SNAPC5: variants seen among roughly 807,000 people sequenced by gnomAD.
SNAPC5 encodes the protein snRNA-activating protein complex subunit 5.
In SNAPC5, 12 loss-of-function variants were observed where a neutral mutation model predicts 9.1. The observed-to-expected ratio is 1.32, with a 90% CI of 0.85 to 2.15. The LOEUF (loss-of-function observed/expected upper bound fraction) is 2.15. Ranked by LOEUF, SNAPC5 falls within the 30% of genes most tolerant of loss-of-function variation. The pLI is 0.00. For synonymous variants in SNAPC5, 52 were observed against 47.3 expected, an observed-to-expected ratio of 1.10 and a Z score of -0.41; for missense variants, 132 against 114.4, an observed-to-expected ratio of 1.15 and a Z score of -0.70.
rs146521201 is a variant in SNAPC5 at position 66,497,670 on chromosome 15, G to T, written c.62C>A (p.Ala21Asp). The T allele has an allele frequency of 1.3e-4, 215 of 1,613,986 alleles. No individual in the cohort carries two copies. Among genetic ancestry groups the T allele is most frequent in the Middle Eastern group, 5.0e-4 (3 of 5,968 alleles). Residue 21 changes from alanine (A) to aspartate (D), a missense_variant, in exon 1 of 3, where the codon GCC (alanine) becomes GAC (aspartate). By Grantham distance (126) the Ala-to-Asp change is moderately radical (BLOSUM62 -2). Transcript: ENST00000316634. ...GAGGCGGTTCAGCTGGTCGTGCAGG[G>T]CTGCCTTCAACCGCAGCAGCGTCTC... ...EEETLLRLKA[A>D]LHDQLNRLKV...
rs1010111866 is a variant in SNAPC5 at position 66,493,827 on chromosome 15, T to G, written c.*609A>C. 1 of 144 alleles carries G rather than the reference T, an allele frequency of 6.9e-3. No individual in the cohort carries two copies. Among genetic ancestry groups the G allele is most frequent in the African/African-American group, 0.031 (1 of 32 alleles). The allele number at this position is 144 out of a possible 1,614,324, so 0.0% of individuals were successfully genotyped here. On this transcript the variant is annotated 3_prime_UTR_variant, in exon 3 of 3. Coordinates refer to ENST00000316634, the MANE Select transcript of SNAPC5 (RefSeq NM_001329615.2). ...AACCAGCAGGCTCCATGATGGCTAC[T>G]TATAAATTTATTTATAAAACATTTT...
At chr15:66,490,407 A>G (rs746203655), downstream of SNAPC5, 53 of 918,706 alleles carry the variant, frequency 5.8e-5, no homozygotes, top group Non-Finnish European at 9.0e-5. Flanking sequence ...GTGCAGCACA[A>G]GCTCTAGACC....
Position 66,497,650 on chromosome 15 carries a change from G to A in SNAPC5, c.82C>T (p.Arg28Cys). 1 of 1,614,012 alleles carries A rather than the reference G, an allele frequency of 6.2e-7. No individual in the cohort carries two copies. The highest frequency in any genetic ancestry group is 1.1e-5 in the South Asian group (1 of 91,082). Residue 28 changes from arginine (R) to cysteine (C), a missense_variant, in exon 1 of 3, where the codon CGC becomes TGC. Physicochemically the swap from Arg to Cys is radical, Grantham distance 180 (BLOSUM62 -3). Transcript: ENST00000316634. ...LKAALHDQLN[R>C]LKVEELALQS... is the part of the protein sequence containing the mutation. ...GAGGGCCGCGGGGTCACCTTGAGGC[G>A]GTTCAGCTGGTCGTGCAGGGCTGCC...
At chr15:66,489,811 T>G, downstream of SNAPC5, 1 of 1,477,596 alleles carries the variant, frequency 6.8e-7, no homozygotes. Context: ...TATTCATTTG[T>G]TCTTCTCTGT....
downstream of SNAPC5, chr15:66,492,407 T>G (rs1267791182): frequency 1.2e-5 from 2 of 165,368 alleles, no homozygotes; most frequent in East Asian, 1.8e-4. Context: ...ATGATCAGTG[T>G]TGTATATACT....
At chr15:66,493,110 A>G (rs1385843920), downstream of SNAPC5, among the ~76,000 whole-genome samples, 1 of 152,214 alleles carries the variant, frequency 6.6e-6, no homozygotes, top group Admixed American at 6.5e-5. Context: ...AATAACTTCA[A>G]TGAAATGTGG....
chr15:66,497,433 A>T, intron 1 of SNAPC5: 1 of 613,176 alleles, frequency 1.6e-6, no homozygotes, highest in Non-Finnish European at 3.0e-6. Context: ...CGAGGTCACG[A>T]TTCTGAAAGA....
intron 1 of SNAPC5, 61 bp downstream of exon 1, chr15:66,497,581 T>C (rs753619517): frequency 1.5e-5 from 22 of 1,451,306 alleles, no homozygotes; most frequent in Middle Eastern, 1.7e-4. Flanking sequence ...GAGGCCCAGG[T>C]TGGGGGGAAA....
chr15:66,490,489 T>A, downstream of SNAPC5: 1 of 1,583,522 alleles, frequency 6.3e-7, no homozygotes, highest in Non-Finnish European at 8.7e-7. Flanking sequence ...TCCTCTCGTT[T>A]CCTTACATGC....
At chr15:66,497,413 C>T in intron 1 of SNAPC5, 2 of 606,572 alleles carry the variant, frequency 3.3e-6, no homozygotes, top group Non-Finnish European at 5.9e-6. Context: ...TGAGCCTCAC[C>T]CTAGACTTGC....
chr15:66,490,537 A>G, downstream of SNAPC5: 1 of 1,614,112 alleles, frequency 6.2e-7, no homozygotes, highest in Non-Finnish European at 8.5e-7. Context: ...ATGCTGAGGA[A>G]GTGGATTTTG....
At chr15:66,492,897 TGAGAAGACA>T (rs1232272969), downstream of SNAPC5, among the ~76,000 whole-genome samples, 1 of 152,100 alleles carries the variant, frequency 6.6e-6, no homozygotes, top group Non-Finnish European at 1.5e-5. Context: ...TGCAAAGAGG[TGAGAAGACA>T]AGTGACCAGT....
chr15:66,491,207 G>A (rs147974693), downstream of SNAPC5: 5 of 258,890 alleles, frequency 1.9e-5, no homozygotes, highest in East Asian at 2.3e-4. Context: ...GATAGCTGGG[G>A]CTTCACCAGT....
At chr15:66,490,561 C>T, downstream of SNAPC5, 2 of 1,614,200 alleles carry the variant, frequency 1.2e-6, no homozygotes, top group Non-Finnish European at 1.7e-6. Context: ...GTTGGCTCTG[C>T]TCCACCATCG....
chr15:66,491,033 G>A, downstream of SNAPC5: 1 of 406,514 alleles, frequency 2.5e-6, no homozygotes, highest in Non-Finnish European at 4.6e-6. Context: ...CTCTAGGAGG[G>A]AGCCTTGTGA....
Position 66,494,040 on chromosome 15 carries a change from A to ATTT in SNAPC5, c.*395_*396insAAA, listed in dbSNP as rs1893342165. ...CTCACAAGGGTTCAGCGGCATGCAA[A>ATTT]CAGTCTTTAATTGGTTTTCTTCAAA... On this transcript the variant is annotated 3_prime_UTR_variant, in exon 3 of 3. Transcript: ENST00000316634. 1 of 193,436 alleles carries ATTT rather than the reference A, an allele frequency of 5.2e-6. No individual in the cohort carries two copies. The highest frequency in any genetic ancestry group is 9.3e-5 in the South Asian group (1 of 10,728). The allele number at this position is 193,436 out of a possible 1,614,324, so 12.0% of individuals were successfully genotyped here.
chr15:66,492,885 G>C (rs1480823028), downstream of SNAPC5, among the ~76,000 whole-genome samples: 1 of 152,192 alleles, frequency 6.6e-6, no homozygotes, highest in Non-Finnish European at 1.5e-5. Flanking sequence ...GGGAACGTGA[G>C]TTGCAAAGAG....
At chr15:66,490,305 G>C (rs1893207447), downstream of SNAPC5, 11 of 693,038 alleles carry the variant, frequency 1.6e-5, no homozygotes, top group Admixed American at 2.2e-4. Flanking sequence ...CTTGCCCAAG[G>C]CCTCACAGCT....
In SNAPC5 at chr15:66,497,746, T is replaced by G. The variant is rs73471762; in HGVS notation, c.-15A>C. 1.9e-3 allele frequency: 3,005 copies of G among 1,601,978 alleles called. 52 individuals carry two copies. The African/African-American group carries it at 0.036, about 19-fold the overall frequency. On this transcript the variant is annotated 5_prime_UTR_variant, in exon 1 of 3. The change abolishes an upstream ATG in the 5' untranslated region. Coordinates refer to ENST00000316634, the MANE Select transcript of SNAPC5 (RefSeq NM_001329615.2). ...CGGCTCAGCATGTTGCCTGGTCACA[T>G]AGCCAACCTCCGGGCTGCTGTCGGC...
Sources: gnomAD v4.1 joint callset for allele counts (sites outside exome capture counted in the v4.1 genomes callset) on GRCh38, gnomAD v4.1.1 for gene constraint, MANE v1.5 for transcripts, NCBI Gene and HGNC (gene_info 2026-07-23, HGNC 2026-07-21) for gene names.